Variants in RELN observed in about 807,000 individuals in gnomAD.
RELN encodes reelin.
In RELN, 108 loss-of-function variants were observed where a neutral mutation model predicts 427.6. That is an observed-to-expected ratio of 0.25 (90% confidence interval 0.22 to 0.30). The LOEUF is 0.30. Among genes scored for constraint, RELN ranks in the 10% least tolerant of loss-of-function variants. The pLI, the probability that RELN is intolerant of heterozygous loss-of-function variation, is 1.00. For synonymous variants in RELN, 1,524 were observed against 1,513.4 expected (o/e 1.01, Z -0.16); for missense variants, 3,715 against 4,302.8 (o/e 0.86, Z 3.82).
At chr7:103,486,464 C>A in intron 60 of RELN, 48 bp from the exon 61 acceptor site, 3 of 1,351,818 alleles carry the variant, frequency 2.2e-6, no homozygotes, top group South Asian at 1.2e-5. Flanking sequence ...CAACCAGAGT[C>A]ATTCAAGATT....
Position 103,496,654 on chromosome 7 carries a change from C to T in RELN, c.9065G>A (p.Trp3022Ter), listed in dbSNP as rs1468269710. Residue 3022 changes from tryptophan to a stop codon, truncating the protein, a stop_gained, in exon 56 of 65, where the codon TGG (tryptophan) becomes TAG (stop). Coordinates refer to ENST00000428762, the MANE Select transcript of RELN (RefSeq NM_005045.4). LOFTEE classifies it high-confidence loss of function. ...ALTNTTRLRW[W>*]QPFVISNGIV... ...TCCATTGCTGATCACAAAAGGCTGC[C>T]ACCAGCGAAGTCGAGTTGTGTTGGT... 1 of 1,614,012 alleles carries T rather than the reference C, an allele frequency of 6.2e-7. No homozygotes were observed. Among genetic ancestry groups the T allele is most frequent in the African/African-American group, 1.3e-5 (1 of 74,908 alleles).
chr7:103,773,142 TTCTTTCTTTCTTTCTTTCTTTC>T (rs1386576715), intron 4 of RELN, among the ~76,000 whole-genome samples: 4 of 132,124 alleles, frequency 3.0e-5, no homozygotes, highest in African/African-American at 1.1e-4. Context: ...CTTTCTTTCT[TTCTTTCTTTCTTTCTTTCTTTC>T]TTTTTCTTTC....
intron 13 of RELN, among the ~76,000 whole-genome samples, chr7:103,653,875 T>C (rs1832973145): frequency 6.6e-6 from 1 of 152,076 alleles, no homozygotes; most frequent in Admixed American, 6.6e-5. Flanking sequence ...TGATGGACTG[T>C]AATTCACTCT....
At position 103,932,979 on chromosome 7, in the gene RELN, G is replaced by A. The variant is rs943786610; in HGVS notation, c.227-15794C>T. ...CACAATGAAATGGCAAGATTCAAGG[G>A]CTACAGGCAGAAGTGTGTTGGTAAA... On this transcript the variant is annotated intron_variant, in intron 1 of 64. Coordinates refer to ENST00000428762, the MANE Select transcript of RELN (RefSeq NM_005045.4). Among the ~76,000 whole-genome samples the A allele has an allele frequency of 3.9e-5, 6 of 152,256 alleles. No homozygotes were observed. The Middle Eastern group carries it at 0.01, about 259-fold the overall frequency.
chr7:103,541,233 A>T (rs1830172031), intron 43 of RELN, among the ~76,000 whole-genome samples: 2 of 152,152 alleles, frequency 1.3e-5, no homozygotes, highest in African/African-American at 2.4e-5. Context: ...CTGGGGTGCC[A>T]ATGAAAACTA....
chr7:103,947,223 G>A (rs1295064002), intron 1 of RELN, among the ~76,000 whole-genome samples: 1 of 152,144 alleles, frequency 6.6e-6, no homozygotes, highest in Non-Finnish European at 1.5e-5. Flanking sequence ...ACCCTAGCAG[G>A]GAAGTACTTT....
chr7:103,574,417 A>T (rs1404769613), intron 29 of RELN, 118 bp from the exon 30 acceptor site: 1 of 850,662 alleles, frequency 1.2e-6, no homozygotes, highest in East Asian at 2.6e-5. Context: ...GAGAGAGGCC[A>T]CATGAAAATT....
Position 103,728,156 on chromosome 7 carries a change from A to G in RELN, c.708T>C (p.His236=), listed in dbSNP as rs1790260665. 2 of 1,613,918 alleles carry G rather than the reference A, an allele frequency of 1.2e-6. No homozygotes were observed. Among genetic ancestry groups the G allele is most frequent in the South Asian group, 2.2e-5 (2 of 91,078 alleles). Residue 236 remains histidine, a synonymous_variant, in exon 7 of 65, where the codon CAT becomes CAC. Transcript: ENST00000428762. ...GTTCACAGAAGGTGACGGCATTGCC[A>G]TGCATAATCGCGCCACACTGTTCTC... is the stretch of plus-strand genomic sequence containing the variant. ...ETGEQCGAIM[H]GNAVTFCEPY...
chr7:103,682,184 C>T lies in RELN; in HGVS notation c.1221G>A (p.Arg407=), dbSNP rs557410504. The change falls in exon 11 of 65, where the codon AGG becomes AGA. Residue 407 remains arginine, a synonymous_variant. Coordinates refer to ENST00000428762, the MANE Select transcript of RELN (RefSeq NM_005045.4). ...EGSEFNFATT[R]DVDLSTEDIQ... ...TATCTTCTGTGGAAAGATCTACATC[C>T]CTGGTGGTGGCAAAATTGAACTCGC... 6.2e-7 allele frequency: 1 copy of T among 1,613,950 alleles called. No individual in the cohort carries two copies. The highest frequency in any genetic ancestry group is 1.3e-5 in the African/African-American group (1 of 75,026).
At chr7:103,583,942 C>A (rs1441494401) in intron 28 of RELN, among the ~76,000 whole-genome samples, 1 of 152,208 alleles carries the variant, frequency 6.6e-6, no homozygotes, top group Non-Finnish European at 1.5e-5. Context: ...GTCACTCATG[C>A]CCCACTCCTG....
intron 1 of RELN, among the ~76,000 whole-genome samples, chr7:103,943,440 G>C (rs1239343594): frequency 6.6e-6 from 1 of 152,174 alleles, no homozygotes; most frequent in Non-Finnish European, 1.5e-5. Context: ...AGACCTTCTT[G>C]AGGCTGCACT....
At chr7:103,630,871 TTTTG>T (rs1562931058) in intron 19 of RELN, among the ~76,000 whole-genome samples, 1 of 150,208 alleles carries the variant, frequency 6.7e-6, no homozygotes, top group Non-Finnish European at 1.5e-5. Context: ...TTTTTTTTTT[TTTTG>T]TTTTTTAACT....
At chr7:103,840,632 T>C (rs1198818823) in intron 2 of RELN, among the ~76,000 whole-genome samples, 1 of 152,156 alleles carries the variant, frequency 6.6e-6, no homozygotes, top group East Asian at 1.9e-4. Context: ...ATGAGAGAAC[T>C]CAGAATCAGC....
At chr7:103,868,616 T>C (rs1425192509) in intron 2 of RELN, among the ~76,000 whole-genome samples, 5 of 152,084 alleles carry the variant, frequency 3.3e-5, no homozygotes, top group African/African-American at 1.2e-4. Context: ...TAATAATCTT[T>C]CCTTTTTTTG....
chr7:103,510,843 C>T lies in RELN; in HGVS notation c.8274+8G>A, dbSNP rs990555550. The T allele has an allele frequency of 6.2e-7, 1 of 1,607,006 alleles. No individual in the cohort carries two copies. Among genetic ancestry groups the T allele is most frequent in the African/African-American group, 1.3e-5 (1 of 74,732 alleles). On this transcript the variant is annotated splice_region_variant and intron_variant, in intron 51 of 64. Transcript: ENST00000428762. ...GTTGTTTATATAATCAAGATCATAA[C>T]ATTTCACCTTGAATTGCATAATCCA... is the stretch of plus-strand genomic sequence containing the variant.
intron 1 of RELN, among the ~76,000 whole-genome samples, chr7:103,937,130 T>C (rs7796597): frequency 0.081 from 12,294 of 152,244 alleles, 676 homozygotes; most frequent in Middle Eastern, 0.12. Flanking sequence ...TGATGGCATG[T>C]ATATAGTAAA....
chr7:103,648,278 C>T (rs12671936), intron 16 of RELN, among the ~76,000 whole-genome samples: 38,471 of 151,752 alleles, frequency 0.25, 5,001 homozygotes, highest in Middle Eastern at 0.37. Context: ...AAGTATATAG[C>T]ACCTCCCCCT....
intron 8 of RELN, among the ~76,000 whole-genome samples, chr7:103,717,381 C>A (rs758370931): frequency 5.3e-5 from 8 of 150,684 alleles, no homozygotes; most frequent in Non-Finnish European, 1.2e-4. Context: ...CTAAAAAGGT[C>A]ATCTCTGGGA....
intron 13 of RELN, among the ~76,000 whole-genome samples, chr7:103,653,163 A>T (rs1045576302): frequency 6.6e-6 from 1 of 152,092 alleles, no homozygotes; most frequent in African/African-American, 2.4e-5. Context: ...GGCTTTCCAA[A>T]CTAGTATTGT....
Sources: gnomAD v4.1 joint callset for allele counts (sites outside exome capture counted in the v4.1 genomes callset) on GRCh38, gnomAD v4.1.1 for gene constraint, MANE v1.5 for transcripts, NCBI Gene and HGNC (gene_info 2026-07-23, HGNC 2026-07-21) for gene names.